The following TOGARAM2 variants were observed in gnomAD, a reference collection of about 807,000 sequenced individuals.
TOGARAM2 encodes TOG array regulator of axonemal microtubules 2, also known as TOG array regulator of axonemal microtubules protein 2.
A neutral mutation model predicts 93.3 loss-of-function variants in TOGARAM2; 85 were observed. The observed-to-expected ratio is 0.91, with a 90% CI of 0.76 to 1.09. The LOEUF (loss-of-function observed/expected upper bound fraction) is 1.09, where lower values mean the gene tolerates loss of function less well. Among genes scored for constraint, TOGARAM2 ranks in the 50% least tolerant of loss-of-function variants. The probability of loss-of-function intolerance (pLI) is 0.00; values close to 1 mark genes in which losing one functional copy is unlikely to be tolerated. For synonymous variants in TOGARAM2, 593 were observed against 552.8 expected (o/e 1.07, Z -1.02); for missense variants, 1,277 against 1,334.5 (o/e 0.96, Z 0.67).
At chr2:28,993,580 TA>T (rs1237370821) in intron 1 of TOGARAM2, among the ~76,000 whole-genome samples, 2 of 152,192 alleles carry the variant, frequency 1.3e-5, no homozygotes, top group Non-Finnish European at 2.9e-5. Flanking sequence ...TCCCAGTAGA[TA>T]TTAAACAGAG....
intron 14 of TOGARAM2, among the ~76,000 whole-genome samples, chr2:29,031,678 T>C (rs1251627565): frequency 6.6e-6 from 1 of 152,166 alleles, no homozygotes; most frequent in African/African-American, 2.4e-5. Flanking sequence ...TGCAAAGCAA[T>C]CACTAAGAAC....
chr2:29,048,685 T>TC (rs1434038235), intron 19 of TOGARAM2: 1 of 150,858 alleles, frequency 6.6e-6, no homozygotes, highest in African/African-American at 2.4e-5. Flanking sequence ...TTCCTTTTTT[T>TC]TTTTTTTTTT....
Position 29,002,665 on chromosome 2 carries a change from A to C in TOGARAM2, c.557A>C (p.Glu186Ala). ...PLIQSIPTTP[E>A]ASGVKEKGLD... ...ATCCAGAGCATCCCTACCACCCCTG[A>C]GGCCAGCGGAGTCAAAGAGAAGGGC... Residue 186 changes from glutamate (E) to alanine (A), a missense_variant, in exon 5 of 20, where the codon GAG becomes GCG. Coordinates refer to ENST00000379558, the MANE Select transcript of TOGARAM2 (RefSeq NM_199280.4). 1 of 1,614,004 alleles carries C rather than the reference A, an allele frequency of 6.2e-7. No homozygotes were observed. The highest frequency in any genetic ancestry group is 1.3e-5 in the African/African-American group (1 of 75,048).
intron 5 of TOGARAM2, 32 bp downstream of exon 5, chr2:29,002,779 C>T (rs1371861758): frequency 6.3e-7 from 1 of 1,592,130 alleles, no homozygotes. Context: ...GAGTCTGGTC[C>T]TCAGCTTCTT....
At chr2:28,976,967 G>A (rs1014728090), upstream of TOGARAM2, among the ~76,000 whole-genome samples, 1 of 152,158 alleles carries the variant, frequency 6.6e-6, no homozygotes, top group African/African-American at 2.4e-5. Flanking sequence ...CCAGCACAGT[G>A]TCAGTCTGGA....
At chr2:28,990,709 A>G (rs1199103556) in intron 1 of TOGARAM2, among the ~76,000 whole-genome samples, 1 of 152,064 alleles carries the variant, frequency 6.6e-6, no homozygotes, top group Non-Finnish European at 1.5e-5. Flanking sequence ...TCATCTCTGT[A>G]GCAGGGTTAC....
chr2:28,983,457 G>A (rs961999656), intron 1 of TOGARAM2, among the ~76,000 whole-genome samples: 7 of 151,796 alleles, frequency 4.6e-5, no homozygotes, highest in Admixed American at 3.9e-4. Context: ...TAAACATTAC[G>A]CTGTGGCATC....
At chr2:29,051,461 C>A in intron 19 of TOGARAM2, 1 of 239,528 alleles carries the variant, frequency 4.2e-6, no homozygotes, top group Non-Finnish European at 7.9e-6. Context: ...GTCAGAGATT[C>A]TGCATATTTC....
intron 18 of TOGARAM2, among the ~76,000 whole-genome samples, chr2:29,041,128 G>T (rs559518535): frequency 6.6e-6 from 1 of 151,366 alleles, no homozygotes; most frequent in South Asian, 2.1e-4. Flanking sequence ...GGGCTCAAGC[G>T]ATGCTTCTGC....
At chr2:29,010,860 A>T (rs1232621052) in intron 6 of TOGARAM2, among the ~76,000 whole-genome samples, 1 of 152,056 alleles carries the variant, frequency 6.6e-6, no homozygotes, top group African/African-American at 2.4e-5. Flanking sequence ...TACAATTAAA[A>T]CCAGTGCCAG....
At chr2:28,960,099 T>C (rs10193301) in intron 1 of TOGARAM2, among the ~76,000 whole-genome samples, 127,031 of 152,230 alleles carry the variant, frequency 0.83, 53,268 homozygotes, top group Middle Eastern at 0.9. Flanking sequence ...GGACCACCGT[T>C]GTATATGTGG....
intron 1 of TOGARAM2, among the ~76,000 whole-genome samples, chr2:28,988,574 C>T (rs529550628): frequency 3.3e-5 from 5 of 152,282 alleles, no homozygotes; most frequent in South Asian, 2.1e-4. Context: ...CCTGTGAACA[C>T]GCTCTAGAAT....
intron 18 of TOGARAM2, 98 bp downstream of exon 18, chr2:29,036,855 C>T: frequency 8.3e-7 from 1 of 1,211,486 alleles, no homozygotes; most frequent in Non-Finnish European, 1.2e-6. Flanking sequence ...GGTTCCCAGG[C>T]CAGATGTTTC....
At chr2:28,964,240 A>G (rs1671837283) in intron 1 of TOGARAM2, among the ~76,000 whole-genome samples, 1 of 152,148 alleles carries the variant, frequency 6.6e-6, no homozygotes, top group Admixed American at 6.5e-5. Context: ...TGGTATATTC[A>G]CATTTAAGAC....
At chr2:28,978,771 G>A (rs1423038908), upstream of TOGARAM2, among the ~76,000 whole-genome samples, 1 of 152,102 alleles carries the variant, frequency 6.6e-6, no homozygotes, top group African/African-American at 2.4e-5. Flanking sequence ...GGGGGTGGGA[G>A]CAGGCCAGTG....
chr2:29,006,127 A>ACG (rs1553339216), intron 6 of TOGARAM2, among the ~76,000 whole-genome samples: 93 of 144,384 alleles, frequency 6.4e-4, no homozygotes, highest in Non-Finnish European at 1.2e-3. Context: ...ATGTGTGTGC[A>ACG]TGTGTGTGAG....
At chr2:28,961,052 T>C (rs2148213069) in intron 1 of TOGARAM2, among the ~76,000 whole-genome samples, 1 of 152,290 alleles carries the variant, frequency 6.6e-6, no homozygotes. Context: ...TAGTATAAGA[T>C]AGAGTGGCTT....
At chr2:29,041,760 G>A (rs1434267671) in intron 18 of TOGARAM2, among the ~76,000 whole-genome samples, 1 of 152,172 alleles carries the variant, frequency 6.6e-6, no homozygotes, top group Non-Finnish European at 1.5e-5. Flanking sequence ...AGGCAGAAAA[G>A]GAGCCTAGGA....
chr2:29,007,759 A>T (rs1381903648), intron 6 of TOGARAM2, among the ~76,000 whole-genome samples: 1 of 152,096 alleles, frequency 6.6e-6, no homozygotes, highest in Non-Finnish European at 1.5e-5. Context: ...GGGTCCATCC[A>T]GCCCACGACC....
Sources: gnomAD v4.1 joint callset for allele counts (sites outside exome capture counted in the v4.1 genomes callset) on GRCh38, gnomAD v4.1.1 for gene constraint, MANE v1.5 for transcripts, NCBI Gene and HGNC (gene_info 2026-07-23, HGNC 2026-07-21) for gene names.